The following PCDH7 variants were observed in gnomAD, a reference collection of about 807,000 sequenced individuals.
PCDH7 encodes protocadherin 7.
A neutral mutation model predicts 58.9 loss-of-function variants in PCDH7; 17 were observed. That is an observed-to-expected ratio of 0.29 (90% CI 0.20 to 0.43). The LOEUF is 0.43. Ranked by LOEUF, PCDH7 falls within the 20% of genes least tolerant of loss-of-function variation. PCDH7 has a pLI of 1.00. For missense variants in PCDH7, 1,274 were observed against 1,441.0 expected (o/e 0.88, Z 1.88); for synonymous variants, 664 against 616.4 (o/e 1.08, Z -1.14).
chr4:30,992,268 G>A (rs1453691279), intron 3 of PCDH7, among the ~76,000 whole-genome samples: 14 of 152,092 alleles, frequency 9.2e-5, no homozygotes, highest in Non-Finnish European at 1.5e-4. Context: ...GTCCTCTAAG[G>A]AAACTTTTAT....
downstream of PCDH7, chr4:31,144,614 T>C (rs1448010121): frequency 6.6e-6 from 1 of 152,196 alleles, no homozygotes; most frequent in Non-Finnish European, 1.5e-5. Context: ...TTTCTTAGAC[T>C]ATAAAGTGAC....
intron 1 of PCDH7, among the ~76,000 whole-genome samples, chr4:30,810,830 G>A (rs901709881): frequency 2.0e-5 from 3 of 152,040 alleles, no homozygotes; most frequent in African/African-American, 7.2e-5. Context: ...GGGTGGTCTT[G>A]AACTCCTGAC....
At chr4:30,755,595 A>G (rs1167858832) in intron 1 of PCDH7, among the ~76,000 whole-genome samples, 1 of 152,194 alleles carries the variant, frequency 6.6e-6, no homozygotes, top group Non-Finnish European at 1.5e-5. Context: ...TGTAGTTATC[A>G]TAACAAGCCT....
chr4:31,114,434 C>G (rs926449479), intron 3 of PCDH7, among the ~76,000 whole-genome samples: 3 of 151,996 alleles, frequency 2.0e-5, no homozygotes, highest in Admixed American at 6.6e-5. Context: ...TATACTGTTT[C>G]CTATGTAAAA....
At chr4:30,753,277 A>G (rs1718817198) in intron 1 of PCDH7, among the ~76,000 whole-genome samples, 1 of 152,206 alleles carries the variant, frequency 6.6e-6, no homozygotes, top group African/African-American at 2.4e-5. Flanking sequence ...CTGTAAAAAG[A>G]GAGATAACCT....
intron 1 of PCDH7, among the ~76,000 whole-genome samples, chr4:30,806,500 T>C (rs1726232863): frequency 6.6e-6 from 1 of 151,820 alleles, no homozygotes; most frequent in Non-Finnish European, 1.5e-5. Context: ...AAGAAGGGGT[T>C]TCACCATGTT....
At chr4:30,959,529 T>G (rs578216111) in intron 3 of PCDH7, among the ~76,000 whole-genome samples, 1 of 152,276 alleles carries the variant, frequency 6.6e-6, no homozygotes, top group Non-Finnish European at 1.5e-5. Flanking sequence ...TATTATGGAT[T>G]TTACTTTGAC....
chr4:31,028,780 C>T (rs61201051), intron 3 of PCDH7, among the ~76,000 whole-genome samples: 7,586 of 151,986 alleles, frequency 0.05, 430 homozygotes, highest in East Asian at 0.3. Flanking sequence ...TGAAAAACAT[C>T]GAAAAACATG....
chr4:30,959,510 A>T (rs1748184125), intron 3 of PCDH7, among the ~76,000 whole-genome samples: 1 of 152,162 alleles, frequency 6.6e-6, no homozygotes, highest in Admixed American at 6.5e-5. Context: ...ATGAACTATT[A>T]TTATTACATA....
intron 1 of PCDH7, among the ~76,000 whole-genome samples, chr4:30,907,550 A>G (rs1741123214): frequency 6.6e-6 from 1 of 152,204 alleles, no homozygotes. Context: ...CCACAATGAG[A>G]TACCATCTCA....
chr4:31,055,656 A>G (rs1312892654), intron 3 of PCDH7, among the ~76,000 whole-genome samples: 2 of 151,900 alleles, frequency 1.3e-5, no homozygotes, highest in Non-Finnish European at 2.9e-5. Context: ...GGCTCGCTGC[A>G]ACCTCCACCT....
chr4:30,750,545 G>A (rs1300009581), intron 1 of PCDH7, among the ~76,000 whole-genome samples: 1 of 152,110 alleles, frequency 6.6e-6, no homozygotes, highest in Admixed American at 6.6e-5. Flanking sequence ...TCATCTATAC[G>A]CAGAGGGAAA....
At chr4:30,747,424 C>T (rs1374089454) in intron 1 of PCDH7, among the ~76,000 whole-genome samples, 3 of 152,146 alleles carry the variant, frequency 2.0e-5, no homozygotes, top group Non-Finnish European at 4.4e-5. Context: ...AAATGGGTCT[C>T]ACTAGGTTAA....
In PCDH7 at chr4:31,115,398, T is replaced by G. The variant is rs375556312; in HGVS notation, c.*8-27075T>G. Among the ~76,000 whole-genome samples the G allele has an allele frequency of 5.3e-4, 80 of 152,228 alleles. 1 individual carries two copies. In the East Asian group the frequency reaches 0.015, roughly 29 times the overall value. On this transcript the variant is annotated intron_variant, in intron 3 of 3. Coordinates refer to the PCDH7 transcript ENST00000509759. ...TTCAACTGAGGAAGAAAAAGTAGTT[T>G]TCTTAAATAATTGACATGATGTGTT...
chr4:31,119,763 G>A (rs769047433), intron 3 of PCDH7, among the ~76,000 whole-genome samples: 33 of 152,156 alleles, frequency 2.2e-4, no homozygotes, highest in Non-Finnish European at 4.4e-4. Context: ...AGCACATGCA[G>A]TGTGTGTACT....
At chr4:30,877,350 G>A (rs1470609503) in intron 1 of PCDH7, among the ~76,000 whole-genome samples, 1 of 152,128 alleles carries the variant, frequency 6.6e-6, no homozygotes, top group Non-Finnish European at 1.5e-5. Context: ...AAAAGTGTCA[G>A]GAAGTGGTAA....
chr4:30,723,490 G>A lies in PCDH7; in HGVS notation c.2068G>A (p.Asp690Asn). 1.2e-6 allele frequency: 2 copies of A among 1,614,100 alleles called. No homozygotes were observed. The highest frequency in any genetic ancestry group is 1.7e-6 in the Non-Finnish European group (2 of 1,180,020). Residue 690 changes from aspartate to asparagine, a missense_variant, in exon 1 of 2, where the codon GAC becomes AAC. Physicochemically the swap from Asp to Asn is conservative, Grantham distance 23 (BLOSUM62 1). This residue lies in a region of PCDH7 where 731 missense variants were observed against 881.9 expected (regional missense o/e 0.83). Coordinates refer to ENST00000361762, the Ensembl canonical transcript of PCDH7. This position sits in a 1 kb window ranked among gnomAD's most constrained non-coding sequence, Gnocchi z 4.6. The stretch of plus-strand genomic sequence containing the variant: ...CAATAACATTTTTTCTATTGAAAAT[G>A]ACACGGGGACCATTTACTCCACAAT...
chr4:30,759,174 T>C (rs966335914), intron 1 of PCDH7, among the ~76,000 whole-genome samples: 10 of 152,080 alleles, frequency 6.6e-5, no homozygotes, highest in African/African-American at 2.4e-4. Context: ...ACTCCTGACC[T>C]CAGGCCATCC....
intron 1 of PCDH7, among the ~76,000 whole-genome samples, chr4:30,852,628 T>G (rs1435377785): frequency 6.6e-6 from 1 of 151,722 alleles, no homozygotes; most frequent in Non-Finnish European, 1.5e-5. Flanking sequence ...TTCTGAAAAA[T>G]CCCTGAAGGA....
Sources: gnomAD v4.1 joint callset for allele counts (sites outside exome capture counted in the v4.1 genomes callset) on GRCh38, gnomAD v4.1.1 for gene constraint, gnomAD v4.1.1 regional missense constraint, Gnocchi (gnomAD v3.1) non-coding constraint, MANE v1.5 for transcripts, NCBI Gene and HGNC (gene_info 2026-07-23, HGNC 2026-07-21) for gene names.